Variants in XYLT1 observed in about 807,000 individuals in gnomAD.
XYLT1 encodes the protein beta-D-xylosyltransferase 1.
In XYLT1, 36 loss-of-function variants were observed where a neutral mutation model predicts 91.3. The ratio of observed to expected loss-of-function variants is 0.39; its 90% CI spans 0.30 to 0.52. The LOEUF (loss-of-function observed/expected upper bound fraction) is 0.52, where lower values mean the gene tolerates loss of function less well. Ranked by LOEUF, XYLT1 falls within the 20% of genes least tolerant of loss-of-function variation. XYLT1 has a pLI of 0.68. For missense variants in XYLT1, 1,242 were observed against 1,284.5 expected (o/e 0.97, Z 0.51); for synonymous variants, 588 against 532.0 (o/e 1.11, Z -1.45).
At chr16:17,316,419 GA>G (rs1380629214) in intron 2 of XYLT1, among the ~76,000 whole-genome samples, 1 of 152,002 alleles carries the variant, frequency 6.6e-6, no homozygotes, top group Non-Finnish European at 1.5e-5. Context: ...TTATTTTTGA[GA>G]CAGTCTCTCT....
At chr16:17,463,005 G>A (rs934076424) in intron 1 of XYLT1, among the ~76,000 whole-genome samples, 1 of 152,260 alleles carries the variant, frequency 6.6e-6, no homozygotes. Flanking sequence ...CTGGAAAAAC[G>A]GGATAGCCAT....
At chr16:17,174,525 C>G (rs1196280657) in intron 5 of XYLT1, among the ~76,000 whole-genome samples, 1 of 152,094 alleles carries the variant, frequency 6.6e-6, no homozygotes, top group East Asian at 1.9e-4. Flanking sequence ...ACGTGAAATA[C>G]CCACATGATG....
chr16:17,217,316 T>C (rs2032878565), intron 3 of XYLT1, among the ~76,000 whole-genome samples: 2 of 152,122 alleles, frequency 1.3e-5, no homozygotes, highest in African/African-American at 2.4e-5. Context: ...GATTTCTCTG[T>C]CTACAAAGAT....
At chr16:17,134,349 G>A (rs2030620916) in intron 9 of XYLT1, 124 bp downstream of exon 9, 7 of 1,325,924 alleles carry the variant, frequency 5.3e-6, no homozygotes, top group Non-Finnish European at 7.2e-6. Flanking sequence ...GGCAAAGGAA[G>A]AGAGAAAGCA....
At chr16:17,120,602 G>GGC (rs2030014392) in intron 10 of XYLT1, among the ~76,000 whole-genome samples, 1 of 152,106 alleles carries the variant, frequency 6.6e-6, no homozygotes, top group South Asian at 2.1e-4. Context: ...CCTGGATAGA[G>GGC]GCACCACTGA....
intron 2 of XYLT1, among the ~76,000 whole-genome samples, chr16:17,273,664 T>C (rs1193701183): frequency 2.0e-5 from 3 of 151,940 alleles, no homozygotes; most frequent in African/African-American, 4.8e-5. Flanking sequence ...GCTAACATGA[T>C]GAAACCCTGT....
intron 1 of XYLT1, among the ~76,000 whole-genome samples, chr16:17,409,181 C>T (rs779909184): frequency 6.6e-6 from 1 of 152,160 alleles, no homozygotes; most frequent in African/African-American, 2.4e-5. Context: ...GAAAGAGTAA[C>T]AGGTCAAGCT....
rs540685775 is a variant in XYLT1 at position 17,349,959 on chromosome 16, C to T, written c.402+8053G>A. Reference sequence around the variant, plus strand: ...TGCAATCTCAGCTCACTGCAAGCTCCGCCTCCCGGGTTCACGTCATTCTCC... The same window carrying T: ...TGCAATCTCAGCTCACTGCAAGCTCTGCCTCCCGGGTTCACGTCATTCTCC... On this transcript the variant is annotated intron_variant, in intron 2 of 11. Coordinates refer to ENST00000261381, the MANE Select transcript of XYLT1 (RefSeq NM_022166.4). 6.6e-5 allele frequency among the ~76,000 whole-genome samples: 10 copies of T among 152,002 alleles called. No homozygotes were observed. In the South Asian group the frequency reaches 8.3e-4, roughly 13 times the overall value.
At chr16:17,200,161 C>T (rs778380804) in intron 4 of XYLT1, among the ~76,000 whole-genome samples, 22 of 151,276 alleles carry the variant, frequency 1.5e-4, no homozygotes, top group Non-Finnish European at 2.5e-4. Context: ...GCAGAGGTTG[C>T]AGTGAGCGGA....
At chr16:17,352,001 T>C (rs2035228027) in intron 2 of XYLT1, among the ~76,000 whole-genome samples, 1 of 152,036 alleles carries the variant, frequency 6.6e-6, no homozygotes, top group Non-Finnish European at 1.5e-5. Flanking sequence ...AAAATTAGCA[T>C]ACACCTGTAG....
intron 6 of XYLT1, among the ~76,000 whole-genome samples, chr16:17,147,308 A>G (rs974409870): frequency 2.0e-5 from 3 of 152,208 alleles, no homozygotes; most frequent in Admixed American, 2.0e-4. Context: ...TCAATTTTAG[A>G]TAATTTGTAT....
intron 11 of XYLT1, among the ~76,000 whole-genome samples, chr16:17,110,346 G>C (rs1966836788): frequency 2.6e-5 from 4 of 152,304 alleles, no homozygotes; most frequent in South Asian, 2.1e-4. Flanking sequence ...ACGTGTTGTG[G>C]GAGGGACCTG....
At chr16:17,162,224 A>T (rs1030172709) in intron 5 of XYLT1, among the ~76,000 whole-genome samples, 1 of 152,086 alleles carries the variant, frequency 6.6e-6, no homozygotes, top group Non-Finnish European at 1.5e-5. Flanking sequence ...CCCGGCCAAC[A>T]TGATGAAACC....
At chr16:17,327,944 C>T (rs2034837746) in intron 2 of XYLT1, among the ~76,000 whole-genome samples, 1 of 152,072 alleles carries the variant, frequency 6.6e-6, no homozygotes, top group Non-Finnish European at 1.5e-5. Context: ...AGCCACACTC[C>T]TCTGCTTCAA....
intron 3 of XYLT1, among the ~76,000 whole-genome samples, chr16:17,256,843 G>C (rs1204425760): frequency 6.6e-6 from 1 of 152,194 alleles, no homozygotes; most frequent in Non-Finnish European, 1.5e-5. Flanking sequence ...GATGCCGGTG[G>C]AACGGAAAGC....
At chr16:17,299,417 G>A (rs1427243564) in intron 2 of XYLT1, among the ~76,000 whole-genome samples, 1 of 151,900 alleles carries the variant, frequency 6.6e-6, no homozygotes, top group East Asian at 1.9e-4. Context: ...TCTCCATCCC[G>A]TTAACCCGCT....
chr16:17,261,553 C>T (rs1596454652), intron 2 of XYLT1, among the ~76,000 whole-genome samples: 1 of 152,182 alleles, frequency 6.6e-6, no homozygotes, highest in South Asian at 2.1e-4. Context: ...CCTTATTACA[C>T]CCATCACCCA....
chr16:17,102,584 A>G lies in XYLT1; in HGVS notation c.*6111T>C, dbSNP rs779021718. ...AGGTGCAAAAAAGGGCAGGTAATGC[A>G]GTCATTTCTGAGACTCACATTCTAC... On this transcript the variant is annotated 3_prime_UTR_variant, in exon 12 of 12. Transcript: ENST00000261381. The G allele has an allele frequency of 6.6e-6, 1 of 152,654 alleles. No homozygotes were observed. The highest frequency in any genetic ancestry group is 1.5e-5 in the Non-Finnish European group (1 of 68,046). The allele number at this position is 152,654 out of a possible 1,614,324, so 9.5% of individuals were successfully genotyped here. A position where few individuals can be genotyped will look rare whatever the true frequency, so the allele number is the denominator to read the frequency against.
At chr16:17,444,459 C>T (rs540989196) in intron 1 of XYLT1, among the ~76,000 whole-genome samples, 4 of 152,110 alleles carry the variant, frequency 2.6e-5, no homozygotes, top group African/African-American at 9.6e-5. Flanking sequence ...CCTCAACCTC[C>T]CAAGAAGTTG....
Sources: allele counts gnomAD v4.1 joint callset (sites outside exome capture counted in the v4.1 genomes callset), GRCh38; gene constraint gnomAD v4.1.1; transcripts MANE v1.5; gene names NCBI Gene and HGNC (gene_info 2026-07-23, HGNC 2026-07-21).